RNF10: variants seen among roughly 807,000 people sequenced by gnomAD.
RNF10 encodes ring finger protein 10, also known as E3 ubiquitin-protein ligase RNF10.
In RNF10, 38 loss-of-function variants were observed where a neutral mutation model predicts 91.4. The observed-to-expected ratio is 0.42, with a 90% CI of 0.32 to 0.54. The LOEUF is 0.54. Ranked by LOEUF, RNF10 falls within the 20% of genes least tolerant of loss-of-function variation. The pLI is 0.16. For synonymous variants in RNF10, 364 were observed against 366.3 expected, an observed-to-expected ratio of 0.99 and a Z score of 0.07; for missense variants, 945 against 1,012.0, an observed-to-expected ratio of 0.93 and a Z score of 0.90.
chr12:120,557,674 A>G lies in RNF10; in HGVS notation c.959A>G (p.His320Arg). ...SKWMNVDHPI[H>R]LGDEQHSQYS... ...TGGATGAATGTAGACCATCCCATTC[A>G]TCTAGGAGGTGAGTTCTTTAAATTT... Residue 320 changes from histidine to arginine, a missense_variant, in exon 6 of 17, where the codon CAT (histidine) becomes CGT (arginine). His to Arg is a conservative substitution (Grantham distance 29). Coordinates refer to ENST00000325954, the MANE Select transcript of RNF10 (RefSeq NM_014868.5). The G allele has an allele frequency of 6.2e-7, 1 of 1,614,206 alleles. No homozygotes were observed. Among genetic ancestry groups the G allele is most frequent in the Non-Finnish European group, 8.5e-7 (1 of 1,180,038 alleles).
At chr12:120,570,632 A>G (rs1876488078) in intron 13 of RNF10, among the ~76,000 whole-genome samples, 2 of 152,162 alleles carry the variant, frequency 1.3e-5, no homozygotes, top group South Asian at 4.1e-4. Flanking sequence ...GGATAGACTC[A>G]TCTGTGGGAA....
At chr12:120,560,474 T>A (rs1308791480) in intron 6 of RNF10, among the ~76,000 whole-genome samples, 2 of 152,144 alleles carry the variant, frequency 1.3e-5, no homozygotes, top group Admixed American at 6.6e-5. Context: ...TTTCTGATAT[T>A]ACATACAATG....
rs1297085845 is a variant in RNF10 at position 120,546,456 on chromosome 12, C to T, written c.209C>T (p.Ser70Phe). 1.2e-6 allele frequency: 2 copies of T among 1,614,012 alleles called. No homozygotes were observed. The highest frequency in any genetic ancestry group is 1.3e-5 in the African/African-American group (1 of 74,916). ...SKRYNRKREL[S>F]YPKNESFNNQ... Reference sequence around the variant, plus strand: ...CGTTATAATCGCAAACGTGAACTTTCCTACCCCAAAAATGAAAGTTTTAAC... The same window carrying T: ...CGTTATAATCGCAAACGTGAACTTTTCTACCCCAAAAATGAAAGTTTTAAC... Residue 70 changes from serine to phenylalanine, a missense_variant, in exon 2 of 17, where the codon TCC becomes TTC. Coordinates refer to ENST00000325954, the MANE Select transcript of RNF10 (RefSeq NM_014868.5).
chr12:120,559,028 T>C (rs1874429131), intron 6 of RNF10, among the ~76,000 whole-genome samples: 1 of 146,200 alleles, frequency 6.8e-6, no homozygotes, highest in African/African-American at 2.5e-5. Flanking sequence ...TAATTAAAAT[T>C]AATTTAATTA....
intron 1 of RNF10, chr12:120,539,578 T>C (rs1167723): frequency 0.3 from 135,715 of 446,492 alleles, 22,715 homozygotes; most frequent in Admixed American, 0.4. Flanking sequence ...GAAATGAAGA[T>C]GCCAAGTAAT....
At chr12:120,553,823 G>C (rs941945492) in intron 3 of RNF10, 13 of 151,702 alleles carry the variant, frequency 8.6e-5, no homozygotes, top group African/African-American at 3.1e-4. Flanking sequence ...TTGAAGATTT[G>C]ACTTTGGATC....
chr12:120,563,851 C>T lies in RNF10; in HGVS notation c.1573C>T (p.Arg525Cys), dbSNP rs780164791. ...TATGTTCCTGCACCCTGTGAATGTG[C>T]GCTGCCTCGTGCGGGAGTACGGCAG... Reference protein sequence around the residue: ...QHMFLHPVNVRCLVREYGSLE... With the variant: ...QHMFLHPVNVCCLVREYGSLE... Residue 525 changes from arginine (R) to cysteine (C), a missense_variant, in exon 10 of 17, where the codon CGC (arginine) becomes TGC (cysteine). Transcript: ENST00000325954. The T allele has an allele frequency of 6.2e-6, 10 of 1,613,966 alleles. No individual in the cohort carries two copies. Among genetic ancestry groups the T allele is most frequent in the Admixed American group, 3.3e-5 (2 of 59,980 alleles).
chr12:120,545,285 C>T (rs1051070749), intron 1 of RNF10, among the ~76,000 whole-genome samples: 15 of 151,394 alleles, frequency 9.9e-5, no homozygotes, highest in African/African-American at 2.9e-4. Context: ...GGGTTCACGC[C>T]GTTCTCCTGC....
chr12:120,553,059 T>TAGA (rs1873381004), intron 3 of RNF10, among the ~76,000 whole-genome samples: 2 of 4,222 alleles, frequency 4.7e-4, no homozygotes, highest in Non-Finnish European at 1.6e-3. Flanking sequence ...TTTTTTTTTT[T>TAGA]TTTTTTTTTT....
At chr12:120,550,225 C>T (rs1405908299) in intron 2 of RNF10, among the ~76,000 whole-genome samples, 1 of 152,114 alleles carries the variant, frequency 6.6e-6, no homozygotes. Context: ...TTGGACATTA[C>T]AGCTGTAGAA....
At chr12:120,550,577 T>G (rs953979577) in intron 2 of RNF10, among the ~76,000 whole-genome samples, 3 of 151,706 alleles carry the variant, frequency 2.0e-5, no homozygotes. Flanking sequence ...ATGTGGAGAA[T>G]GTGGCGTTTT....
At chr12:120,541,103 C>T (rs1377627469) in intron 1 of RNF10, among the ~76,000 whole-genome samples, 5 of 152,150 alleles carry the variant, frequency 3.3e-5, no homozygotes, top group East Asian at 1.9e-4. Flanking sequence ...GTGATCCGCC[C>T]GCCTCGGCCT....
chr12:120,536,293 A>G (rs1156902841), intron 1 of RNF10, among the ~76,000 whole-genome samples: 1 of 151,956 alleles, frequency 6.6e-6, no homozygotes, highest in East Asian at 1.9e-4. Flanking sequence ...GTGTGGTGGC[A>G]CACACCTGTA....
At chr12:120,554,575 G>T in intron 3 of RNF10, 143 bp from the exon 4 acceptor site, 2 of 642,616 alleles carry the variant, frequency 3.1e-6, no homozygotes, top group Non-Finnish European at 5.6e-6. Context: ...CAGAACTGAG[G>T]CTGAGGTCCT....
At chr12:120,534,991 G>A (rs1039157989) in intron 1 of RNF10, 23 bp downstream of exon 1, 2 of 1,572,640 alleles carry the variant, frequency 1.3e-6, no homozygotes, top group Admixed American at 1.8e-5. Context: ...CTGCGGCAGT[G>A]GGCGGGGGCG....
intron 2 of RNF10, among the ~76,000 whole-genome samples, chr12:120,549,787 A>C (rs1872777751): frequency 6.6e-6 from 1 of 152,222 alleles, no homozygotes; most frequent in African/African-American, 2.4e-5. Flanking sequence ...TCCATCTCCA[A>C]ATAAATAAGT....
chr12:120,559,841 G>C (rs959361048), intron 6 of RNF10, among the ~76,000 whole-genome samples: 22 of 149,986 alleles, frequency 1.5e-4, no homozygotes, highest in Non-Finnish European at 7.4e-5. Flanking sequence ...GATTATAGGC[G>C]CCCGTCACCA....
chr12:120,540,845 G>A (rs1301316997), intron 1 of RNF10, among the ~76,000 whole-genome samples: 1 of 125,228 alleles, frequency 8.0e-6, no homozygotes, highest in African/African-American at 3.0e-5. Flanking sequence ...CTGAGTGCCA[G>A]TTTACTTTCT....
chr12:120,544,386 G>T (rs528988773), intron 1 of RNF10, among the ~76,000 whole-genome samples: 1 of 151,308 alleles, frequency 6.6e-6, no homozygotes, highest in African/African-American at 2.4e-5. Context: ...GGCTGGGAGT[G>T]TTGGCTCATG....
Sources: allele counts gnomAD v4.1 joint callset (sites outside exome capture counted in the v4.1 genomes callset), GRCh38; gene constraint gnomAD v4.1.1; transcripts MANE v1.5; gene names NCBI Gene and HGNC (gene_info 2026-07-23, HGNC 2026-07-21).